Variants in RALGPS1 observed in about 807,000 individuals in gnomAD.
The protein encoded by RALGPS1 is ras-specific guanine nucleotide-releasing factor RalGPS1.
RALGPS1 carries 19 observed loss-of-function variants against 78.8 expected under a neutral mutation model. The ratio of observed to expected loss-of-function variants is 0.24; its 90% confidence interval spans 0.17 to 0.35. The LOEUF (loss-of-function observed/expected upper bound fraction) is 0.35, where lower values mean the gene tolerates loss of function less well. RALGPS1 is among the 10% of genes least tolerant of loss of function. The probability of loss-of-function intolerance (pLI) is 1.00; values close to 1 mark genes in which losing one functional copy is unlikely to be tolerated. For synonymous variants in RALGPS1, 228 were observed against 256.3 expected, an observed-to-expected ratio of 0.89 and a Z score of 1.06; for missense variants, 454 against 688.3, an observed-to-expected ratio of 0.66 and a Z score of 3.81.
At chr9:127,140,004 CAT>C (rs1348892074) in intron 8 of RALGPS1, among the ~76,000 whole-genome samples, 3 of 152,244 alleles carry the variant, frequency 2.0e-5, no homozygotes, top group African/African-American at 7.2e-5. Context: ...GCAGAGATGA[CAT>C]GTGTTGATGG....
chr9:126,948,826 T>A (rs547598937), intron 1 of RALGPS1, among the ~76,000 whole-genome samples: 39 of 152,070 alleles, frequency 2.6e-4, no homozygotes, highest in Non-Finnish European at 4.7e-4. Context: ...CTTTTTTTTT[T>A]TTATTATACT....
chr9:126,959,945 C>T (rs1221039444), intron 1 of RALGPS1, among the ~76,000 whole-genome samples: 1 of 152,162 alleles, frequency 6.6e-6, no homozygotes, highest in Non-Finnish European at 1.5e-5. Context: ...ATAGGGCAGG[C>T]TAGTTCTTCT....
chr9:126,915,274 G>T (rs988807077), intron 1 of RALGPS1, among the ~76,000 whole-genome samples: 2 of 142,496 alleles, frequency 1.4e-5, no homozygotes, highest in Admixed American at 6.9e-5. Context: ...GCGGGCGCGG[G>T]GGGCGGGGCC....
chr9:126,944,023 G>A (rs1037017292), intron 1 of RALGPS1, among the ~76,000 whole-genome samples: 2 of 152,248 alleles, frequency 1.3e-5, no homozygotes, highest in Admixed American at 6.5e-5. Context: ...GGACCCTCTG[G>A]TCAAAGCTGG....
At chr9:127,161,986 C>G (rs1015473438) in intron 8 of RALGPS1, among the ~76,000 whole-genome samples, 3 of 152,204 alleles carry the variant, frequency 2.0e-5, no homozygotes, top group African/African-American at 7.2e-5. Flanking sequence ...AGTTTAGGAC[C>G]TGGCACACAG....
chr9:127,206,246 C>G (rs1382621707), intron 14 of RALGPS1, among the ~76,000 whole-genome samples: 1 of 152,220 alleles, frequency 6.6e-6, no homozygotes, highest in African/African-American at 2.4e-5. Context: ...GAGGCTGGGG[C>G]TCTGTGTACA....
chr9:127,006,010 T>C (rs1465942303), intron 4 of RALGPS1, among the ~76,000 whole-genome samples: 1 of 152,090 alleles, frequency 6.6e-6, no homozygotes. Context: ...AAATCCAACA[T>C]CTCTTCATGC....
chr9:126,932,102 G>C (rs953443409), intron 1 of RALGPS1, among the ~76,000 whole-genome samples: 1 of 152,048 alleles, frequency 6.6e-6, no homozygotes, highest in African/African-American at 2.4e-5. Context: ...TTGAAGATCT[G>C]GGTGCCTCTT....
chr9:127,118,204 G>A (rs1403594452), intron 8 of RALGPS1, among the ~76,000 whole-genome samples: 1 of 152,170 alleles, frequency 6.6e-6, no homozygotes, highest in Non-Finnish European at 1.5e-5. Flanking sequence ...GGACCAAAAT[G>A]TGGCTTGTGA....
chr9:127,120,266 C>A (rs1224648444), intron 8 of RALGPS1, among the ~76,000 whole-genome samples: 1 of 152,192 alleles, frequency 6.6e-6, no homozygotes, highest in Non-Finnish European at 1.5e-5. Flanking sequence ...AGGCAGTGCC[C>A]ATGTGGGAAG....
intron 11 of RALGPS1, 103 bp from the exon 12 acceptor site, chr9:127,194,988 G>A: frequency 1.4e-6 from 2 of 1,416,408 alleles, no homozygotes; most frequent in Non-Finnish European, 2.0e-6. Context: ...GCCAGTTGCT[G>A]TACTTCAAAC....
At chr9:127,198,236 G>A (rs531940962) in intron 13 of RALGPS1, among the ~76,000 whole-genome samples, 2 of 152,296 alleles carry the variant, frequency 1.3e-5, no homozygotes, top group South Asian at 4.1e-4. Flanking sequence ...CTGTGATGAG[G>A]GCTGTTACTC....
chr9:127,055,698 A>G (rs1356327807), intron 7 of RALGPS1, among the ~76,000 whole-genome samples: 1 of 152,224 alleles, frequency 6.6e-6, no homozygotes, highest in Non-Finnish European at 1.5e-5. Context: ...TCCAGAATCC[A>G]TGCTCTTAAC....
intron 2 of RALGPS1, among the ~76,000 whole-genome samples, chr9:126,964,347 TGACAGAGCGA>T (rs2039226401): frequency 8.0e-6 from 1 of 124,616 alleles, no homozygotes; most frequent in Non-Finnish European, 1.6e-5. Flanking sequence ...TTTGCCCGGG[TGACAGAGCGA>T]GACTCCCACT....
intron 11 of RALGPS1, among the ~76,000 whole-genome samples, chr9:127,185,658 TTA>T (rs2060595714): frequency 6.6e-6 from 1 of 152,256 alleles, no homozygotes; most frequent in Non-Finnish European, 1.5e-5. Flanking sequence ...ATTGTTGTAG[TTA>T]TACTACTGGT....
intron 1 of RALGPS1, among the ~76,000 whole-genome samples, chr9:126,917,399 A>G (rs1308563232): frequency 2.6e-5 from 4 of 152,310 alleles, no homozygotes; most frequent in Middle Eastern, 3.4e-3. Flanking sequence ...GGAGAGAAAT[A>G]CTTCATTAAT....
rs1462265534 is a variant in RALGPS1 at position 126,966,250 on chromosome 9, G to T, written c.165+299G>T. Among the ~76,000 whole-genome samples the T allele has an allele frequency of 2.0e-5, 3 of 152,182 alleles. No individual in the cohort carries two copies. The East Asian group carries it at 5.8e-4, about 29-fold the overall frequency. ...AATTCATGTACAGACTGGGCAAGGT[G>T]GCTCACGCCTATAATCCCAGTGCTG... On this transcript the variant is annotated intron_variant, in intron 3 of 18. Transcript: ENST00000259351.
At chr9:127,114,960 AG>A (rs912498859) in intron 8 of RALGPS1, among the ~76,000 whole-genome samples, 1 of 152,236 alleles carries the variant, frequency 6.6e-6, no homozygotes, top group Non-Finnish European at 1.5e-5. Context: ...GTGTGCTGGT[AG>A]GGAAGTATCC....
intron 8 of RALGPS1, among the ~76,000 whole-genome samples, chr9:127,132,578 AG>A (rs2057083627): frequency 6.6e-6 from 1 of 152,194 alleles, no homozygotes; most frequent in African/African-American, 2.4e-5. Context: ...GACACACACC[AG>A]GGGGTGCTCA....
Sources: allele counts gnomAD v4.1 joint callset (sites outside exome capture counted in the v4.1 genomes callset), GRCh38; gene constraint gnomAD v4.1.1; transcripts MANE v1.5; gene names NCBI Gene and HGNC (gene_info 2026-07-23, HGNC 2026-07-21).